Variants in NBEAL1 observed in about 807,000 individuals in gnomAD.
NBEAL1 encodes the protein neurobeachin-like protein 1.
NBEAL1 carries 273 observed loss-of-function variants against 351.3 expected under a neutral mutation model. The ratio of observed to expected loss-of-function variants is 0.78; its 90% CI spans 0.70 to 0.86. NBEAL1 has a LOEUF of 0.86. NBEAL1 is among the 40% of genes least tolerant of loss of function. The pLI is 0.00. For missense variants in NBEAL1, 2,961 were observed against 3,201.3 expected (o/e 0.92, Z 1.81); for synonymous variants, 1,050 against 1,086.4 (o/e 0.97, Z 0.66).
intron 37 of NBEAL1, among the ~76,000 whole-genome samples, chr2:203,166,739 G>A (rs13418859): frequency 6.6e-6 from 1 of 150,748 alleles, no homozygotes; most frequent in African/African-American, 2.4e-5. Flanking sequence ...TTTTTTAGTA[G>A]AGACAGGGTT....
At chr2:203,069,949 C>A (rs757967855) in intron 7 of NBEAL1, among the ~76,000 whole-genome samples, 8 of 152,286 alleles carry the variant, frequency 5.3e-5, no homozygotes, top group Middle Eastern at 3.4e-3. Flanking sequence ...TGAGAGCCAC[C>A]ATGCCCAGCC....
At position 203,058,607 on chromosome 2, in the gene NBEAL1, T is replaced by C. The variant is rs1431314340; in HGVS notation, c.515+1154T>C. ...AGGCTCATTCTGGGATTGCCAAAAA[T>C]AAGCTGAAGACAGGAACCAACTGCC... On this transcript the variant is annotated intron_variant, in intron 6 of 55. Coordinates refer to ENST00000683969, the MANE Select transcript of NBEAL1 (RefSeq NM_001378026.1). Among the ~76,000 whole-genome samples, 3 of 152,150 alleles carry C rather than the reference T, an allele frequency of 2.0e-5. No homozygotes were observed. In the East Asian group the frequency reaches 5.8e-4, roughly 29 times the overall value.
In NBEAL1 at chr2:203,220,578, G is replaced by C. The variant is rs1241905859; in HGVS notation, c.*3224G>C. Among the ~76,000 whole-genome samples the C allele has an allele frequency of 6.6e-6, 1 of 152,140 alleles. No homozygotes were observed. The highest frequency in any genetic ancestry group is 1.5e-5 in the Non-Finnish European group (1 of 68,044). On this transcript the variant is annotated 3_prime_UTR_variant, in exon 56 of 56. Transcript: ENST00000683969. ...CAAAAATAAAAATCTCAGCATCCTG[G>C]TGATAGGAAGAGATTTATACCAAGA...
In NBEAL1 at chr2:203,115,953, A is replaced by G. The variant is rs2062686087; in HGVS notation, c.2507-32A>G. ...GAACCAAGGAGACCATATATATTCAATGGTGTGTATGTGTGTGTAAATAAT... is the reference window on the plus strand; with the variant it reads ...GAACCAAGGAGACCATATATATTCAGTGGTGTGTATGTGTGTGTAAATAAT... On this transcript the variant is annotated intron_variant, in intron 17 of 55. Coordinates refer to ENST00000683969, the MANE Select transcript of NBEAL1 (RefSeq NM_001378026.1). 4 of 1,364,298 alleles carry G rather than the reference A, an allele frequency of 2.9e-6. 1 individual carries two copies. The highest frequency in any genetic ancestry group is 2.5e-5 in the South Asian group (2 of 80,004). The allele number at this position is 1,364,298 out of a possible 1,614,324, so 84.5% of individuals were successfully genotyped here.
intron 39 of NBEAL1, among the ~76,000 whole-genome samples, chr2:203,170,927 A>G (rs1237404937): frequency 6.6e-6 from 1 of 152,180 alleles, no homozygotes; most frequent in Non-Finnish European, 1.5e-5. Flanking sequence ...ATACTTATGA[A>G]AATTTCAATT....
intron 44 of NBEAL1, among the ~76,000 whole-genome samples, 179 bp downstream of exon 44, chr2:203,183,567 G>A (rs2064796914): frequency 6.6e-6 from 1 of 151,984 alleles, no homozygotes; most frequent in Non-Finnish European, 1.5e-5. Flanking sequence ...CTGATATAAT[G>A]AGACTATAGT....
At chr2:203,206,948 G>A (rs2065597965) in intron 51 of NBEAL1, among the ~76,000 whole-genome samples, 2 of 151,768 alleles carry the variant, frequency 1.3e-5, no homozygotes, top group Admixed American at 6.6e-5. Context: ...GTCTCTGCCC[G>A]GCCGCCATCC....
At chr2:203,166,338 TTAAG>T in intron 37 of NBEAL1, 41 bp downstream of exon 37, 1 of 1,544,332 alleles carries the variant, frequency 6.5e-7, no homozygotes. Context: ...TGTTCAATAA[TTAAG>T]TATCTAATTT....
intron 55 of NBEAL1, 137 bp downstream of exon 55, chr2:203,213,790 A>T: frequency 6.6e-7 from 1 of 1,509,032 alleles, no homozygotes; most frequent in East Asian, 2.4e-5. Flanking sequence ...AAAGGCAGTA[A>T]ATAAAAACAG....
chr2:203,107,802 A>G lies in NBEAL1; in HGVS notation c.1563A>G (p.Arg521=), dbSNP rs1313985011. 6.4e-7 allele frequency: 1 copy of G among 1,554,538 alleles called. No individual in the cohort carries two copies. The highest frequency in any genetic ancestry group is 8.7e-7 in the Non-Finnish European group (1 of 1,147,766). The part of the protein sequence containing the change: ...TTCVNANMGI[R]IIETLDLHSS... ...GTGTCAATGCAAACATGGGGATTAGAATCATTGAAACCCTTGACTTGCATT... is the reference window on the plus strand; with the variant it reads ...GTGTCAATGCAAACATGGGGATTAGGATCATTGAAACCCTTGACTTGCATT... The change falls in exon 14 of 56, where the codon AGA becomes AGG. Residue 521 remains arginine, a synonymous_variant. Coordinates refer to ENST00000683969, the MANE Select transcript of NBEAL1 (RefSeq NM_001378026.1).
chr2:203,114,173 G>A (rs147225562), intron 17 of NBEAL1, among the ~76,000 whole-genome samples: 113 of 152,166 alleles, frequency 7.4e-4, no homozygotes, highest in Middle Eastern at 3.4e-3. Context: ...GCCCCATCCC[G>A]ATGACTTCAT....
At position 203,190,341 on chromosome 2, in the gene NBEAL1, A is replaced by G; in HGVS notation, c.6873A>G (p.Leu2291=). The part of the protein sequence containing the change: ...ALTDEKERKA[L]EGMINNFGQT... ...CAGATGAGAAAGAAAGAAAAGCCTT[A>G]GAAGGGATGATTAATAATTTTGGGC... Residue 2291 remains leucine, a synonymous_variant, in exon 46 of 56, where the codon TTA becomes TTG. Transcript: ENST00000683969. 1.2e-6 allele frequency: 2 copies of G among 1,612,834 alleles called. No homozygotes were observed. The highest frequency in any genetic ancestry group is 1.7e-6 in the Non-Finnish European group (2 of 1,179,718).
intron 48 of NBEAL1, among the ~76,000 whole-genome samples, chr2:203,197,885 G>C (rs1013580615): frequency 6.6e-6 from 1 of 151,600 alleles, no homozygotes; most frequent in African/African-American, 2.4e-5. Context: ...CTCCAGCCTG[G>C]GTGACAAGAG....
In NBEAL1 at chr2:203,118,001, AT is replaced by A. The variant is rs568324344; in HGVS notation, c.2592+1934del. On this transcript the variant is annotated intron_variant, in intron 18 of 55. Transcript: ENST00000683969. ...ACCGTGTCTGGCCTTACTTTTAAAT[AT>A]TTATTTTTTGTATCTGACCTAATAA... is the stretch of plus-strand genomic sequence containing the variant. Among the ~76,000 whole-genome samples the A allele has an allele frequency of 1.2e-4, 19 of 152,100 alleles. No homozygotes were observed. In the East Asian group the frequency reaches 3.7e-3, roughly 29 times the overall value.
At chr2:203,195,538 A>G (rs1435516135) in intron 47 of NBEAL1, among the ~76,000 whole-genome samples, 2 of 152,216 alleles carry the variant, frequency 1.3e-5, no homozygotes, top group African/African-American at 4.8e-5. Flanking sequence ...GACTACCCCC[A>G]GGTTCAGTGA....
At chr2:203,063,619 G>A (rs999243542) in intron 6 of NBEAL1, among the ~76,000 whole-genome samples, 15 of 152,062 alleles carry the variant, frequency 9.9e-5, no homozygotes, top group Non-Finnish European at 2.1e-4. Context: ...AATATGACTT[G>A]TTCATTCATT....
chr2:203,061,297 A>G (rs900861340), intron 6 of NBEAL1: 1 of 152,170 alleles, frequency 6.6e-6, no homozygotes, highest in African/African-American at 2.4e-5. Context: ...GGAAAATTGC[A>G]TGTTTTCCAA....
chr2:203,037,056 G>T lies in NBEAL1; in HGVS notation c.52-4709G>T, dbSNP rs192327536. Among the ~76,000 whole-genome samples, 396 of 149,248 alleles carry T rather than the reference G, an allele frequency of 2.7e-3. 36 individuals carry two copies. The highest frequency in any genetic ancestry group is 4.4e-3 in the Non-Finnish European group (290 of 66,538). On this transcript the variant is annotated intron_variant, in intron 2 of 55. Transcript: ENST00000683969. ...AAACTTGAGAAAATTCTCACAAAAG[G>T]TAGCTCTTTTTCTAAAATATTTCCT...
intron 2 of NBEAL1, chr2:203,040,859 G>A (rs553395823): frequency 5.2e-5 from 23 of 438,268 alleles, no homozygotes; most frequent in Middle Eastern, 1.5e-3. Flanking sequence ...CATGGCTATC[G>A]GGGTGAATGC....
Sources: allele counts gnomAD v4.1 joint callset (sites outside exome capture counted in the v4.1 genomes callset), GRCh38; gene constraint gnomAD v4.1.1; transcripts MANE v1.5; gene names NCBI Gene and HGNC (gene_info 2026-07-23, HGNC 2026-07-21).